The following WDR70 variants were observed in gnomAD, a reference collection of about 807,000 sequenced individuals.
WDR70 encodes the protein WD repeat-containing protein 70.
WDR70 carries 53 observed loss-of-function variants against 88.6 expected under a neutral mutation model. The observed-to-expected ratio is 0.60, with a 90% CI of 0.48 to 0.75. The LOEUF (loss-of-function observed/expected upper bound fraction) is 0.75, where lower values mean the gene tolerates loss of function less well. Ranked by LOEUF, WDR70 falls within the 30% of genes least tolerant of loss-of-function variation. The pLI is 0.00. For synonymous variants in WDR70, 280 were observed against 270.0 expected (o/e 1.04, Z -0.36); for missense variants, 610 against 823.2 (o/e 0.74, Z 3.17).
At chr5:37,454,746 T>G (rs1738780357) in intron 7 of WDR70, among the ~76,000 whole-genome samples, 1 of 152,200 alleles carries the variant, frequency 6.6e-6, no homozygotes. Flanking sequence ...TCCTCTTTCT[T>G]TTTTATTGCA....
chr5:37,675,489 G>A (rs1173537887), intron 10 of WDR70, among the ~76,000 whole-genome samples: 1 of 152,148 alleles, frequency 6.6e-6, no homozygotes, highest in African/African-American at 2.4e-5. Flanking sequence ...CTTAAGTAGG[G>A]AATCCTTTCC....
At chr5:37,533,914 G>A (rs768904519) in intron 9 of WDR70, among the ~76,000 whole-genome samples, 1 of 152,130 alleles carries the variant, frequency 6.6e-6, no homozygotes, top group Non-Finnish European at 1.5e-5. Context: ...CCAGGGCTGA[G>A]AACTTGCCCC....
intron 9 of WDR70, among the ~76,000 whole-genome samples, chr5:37,554,678 GCACACACACACACACACA>G (rs3068425): frequency 2.0e-5 from 3 of 147,670 alleles, no homozygotes; most frequent in African/African-American, 7.5e-5. Context: ...GCACCTGCAC[GCACACACACACACACACA>G]CACACACACA....
chr5:37,635,406 G>T (rs943463348), intron 10 of WDR70, among the ~76,000 whole-genome samples: 7 of 152,120 alleles, frequency 4.6e-5, no homozygotes, highest in African/African-American at 1.7e-4. Context: ...CCTTGCCTCA[G>T]TTTTCTGTTC....
At chr5:37,426,459 G>T (rs1463233330) in intron 5 of WDR70, among the ~76,000 whole-genome samples, 1 of 152,132 alleles carries the variant, frequency 6.6e-6, no homozygotes, top group African/African-American at 2.4e-5. Context: ...TTTTTCTCAT[G>T]ACTATAAGTT....
intron 5 of WDR70, among the ~76,000 whole-genome samples, chr5:37,423,687 C>T (rs1459444270): frequency 6.7e-6 from 1 of 149,810 alleles, no homozygotes; most frequent in Non-Finnish European, 1.5e-5. Flanking sequence ...CCTCAGCTTC[C>T]CAGGTAGCTA....
rs1744201594 is a variant in WDR70 at position 37,611,830 on chromosome 5, A to C, written c.1092+6592A>C. ...ACTTCTTTGACATACCATTTTAGCT[A>C]TTAATCTTTGGAATAATGTATGGAG... is the stretch of plus-strand genomic sequence containing the variant. On this transcript the variant is annotated intron_variant, in intron 10 of 17. Coordinates refer to ENST00000265107, the MANE Select transcript of WDR70 (RefSeq NM_018034.4). Among the ~76,000 whole-genome samples the C allele has an allele frequency of 2.2e-5, 3 of 138,696 alleles. No homozygotes were observed. In the South Asian group the frequency reaches 6.7e-4, roughly 31 times the overall value. 91.0% of individuals were successfully genotyped at this position (138,696 alleles called of 152,430 possible).
At chr5:37,751,666 A>T (rs1373401636) in intron 17 of WDR70, among the ~76,000 whole-genome samples, 2 of 152,232 alleles carry the variant, frequency 1.3e-5, no homozygotes, top group Non-Finnish European at 2.9e-5. Flanking sequence ...TAACCTGCAG[A>T]TGTGCTTTAA....
chr5:37,443,404 T>A (rs1358295658), intron 7 of WDR70, 32 bp downstream of exon 7: 1 of 1,611,866 alleles, frequency 6.2e-7, no homozygotes. Flanking sequence ...ATCTTCATAT[T>A]TGACCTAATG....
rs190361695 is a variant in WDR70, at chr5:37,730,270, G to A, written c.1877+3225G>A. 5.9e-3 allele frequency among the ~76,000 whole-genome samples: 894 copies of A among 152,036 alleles called. 3 individuals are homozygous for A. The highest frequency in any genetic ancestry group is 0.01 in the Middle Eastern group (3 of 294). ...TGAAATTTAACTTTAAATGAACTTTGGGAATACTATTTATAAATATGTCAG... is the reference window on the plus strand; with the variant it reads ...TGAAATTTAACTTTAAATGAACTTTAGGAATACTATTTATAAATATGTCAG... On this transcript the variant is annotated intron_variant, in intron 17 of 17. Transcript: ENST00000265107.
intron 9 of WDR70, among the ~76,000 whole-genome samples, chr5:37,531,160 C>T (rs762786961): frequency 4.6e-5 from 7 of 151,840 alleles, no homozygotes; most frequent in Non-Finnish European, 7.4e-5. Context: ...AGAGAGTACT[C>T]GATATAATTT....
chr5:37,686,050 T>TC (rs1480371093), intron 10 of WDR70, among the ~76,000 whole-genome samples: 2 of 151,902 alleles, frequency 1.3e-5, no homozygotes, highest in Admixed American at 1.3e-4. Flanking sequence ...TGCCCAAATC[T>TC]CCCCCAACAC....
chr5:37,693,819 C>T (rs1746892312), intron 10 of WDR70, among the ~76,000 whole-genome samples: 2 of 152,144 alleles, frequency 1.3e-5, no homozygotes, highest in Non-Finnish European at 2.9e-5. Context: ...GACTAAAACA[C>T]CAAAAGCAAT....
At chr5:37,649,047 C>T (rs1745319385) in intron 10 of WDR70, among the ~76,000 whole-genome samples, 2 of 151,982 alleles carry the variant, frequency 1.3e-5, no homozygotes, top group Admixed American at 1.3e-4. Context: ...CTTTCTGTGC[C>T]CAACTTTGTA....
chr5:37,450,744 G>A lies in WDR70; in HGVS notation c.686+7372G>A, dbSNP rs1738652411. The stretch of plus-strand genomic sequence containing the variant: ...TAAGAAAACACTTATTGGTCAAGGG[G>A]TTGGCAAAGTTTTTTTATAAAGGGC... On this transcript the variant is annotated intron_variant, in intron 7 of 17. Coordinates refer to ENST00000265107, the MANE Select transcript of WDR70 (RefSeq NM_018034.4). 4.6e-5 allele frequency among the ~76,000 whole-genome samples: 7 copies of A among 152,136 alleles called. No individual in the cohort carries two copies. The South Asian group carries it at 1.5e-3, about 32-fold the overall frequency.
At chr5:37,563,825 C>T (rs1397873615) in intron 9 of WDR70, among the ~76,000 whole-genome samples, 4 of 127,382 alleles carry the variant, frequency 3.1e-5, no homozygotes, top group Non-Finnish European at 7.2e-5. Flanking sequence ...GGCTGCCGGG[C>T]GGAGGGGCTC....
intron 10 of WDR70, among the ~76,000 whole-genome samples, chr5:37,656,326 G>T (rs992997039): frequency 6.6e-6 from 1 of 152,116 alleles, no homozygotes. Context: ...CTTCGTCCTG[G>T]GGAGGGGCAC....
intron 8 of WDR70, among the ~76,000 whole-genome samples, chr5:37,504,395 T>C (rs55812869): frequency 2.6e-5 from 4 of 151,578 alleles, no homozygotes; most frequent in African/African-American, 7.2e-5. Flanking sequence ...ATATATTAGA[T>C]CTAAAATCTG....
At chr5:37,525,179 C>A (rs1055664463) in intron 9 of WDR70, among the ~76,000 whole-genome samples, 5 of 152,192 alleles carry the variant, frequency 3.3e-5, no homozygotes, top group East Asian at 1.9e-4. Context: ...AATATACATT[C>A]TTCTCAGCAC....
Sources: gnomAD v4.1 joint callset for allele counts (sites outside exome capture counted in the v4.1 genomes callset) on GRCh38, gnomAD v4.1.1 for gene constraint, MANE v1.5 for transcripts, NCBI Gene and HGNC (gene_info 2026-07-23, HGNC 2026-07-21) for gene names.